ZPBP: variants seen among roughly 807,000 people sequenced by gnomAD.
ZPBP encodes zona pellucida-binding protein 1.
A neutral mutation model predicts 44.8 loss-of-function variants in ZPBP; 26 were observed. The ratio of observed to expected loss-of-function variants is 0.58; its 90% CI spans 0.43 to 0.81. ZPBP has a LOEUF of 0.81. Ranked by LOEUF, ZPBP falls within the 30% of genes least tolerant of loss-of-function variation. ZPBP has a pLI of 0.00. For missense variants in ZPBP, 409 were observed against 434.0 expected, an observed-to-expected ratio of 0.94 and a Z score of 0.51; for synonymous variants, 174 against 153.2, an observed-to-expected ratio of 1.14 and a Z score of -1.00.
intron 4 of ZPBP, among the ~76,000 whole-genome samples, chr7:50,041,346 C>T (rs1800085886): frequency 6.6e-6 from 1 of 152,212 alleles, no homozygotes; most frequent in Admixed American, 6.5e-5. Flanking sequence ...GTCCCTGACC[C>T]CCATGCCTCC....
chr7:49,937,706 T>C, intron 7 of ZPBP, 84 bp from the exon 8 acceptor site: 1 of 1,085,708 alleles, frequency 9.2e-7, no homozygotes, highest in Non-Finnish European at 1.4e-6. Flanking sequence ...TTTAAGTGTA[T>C]AGTTCAGTAG....
At chr7:50,028,510 G>C (rs1414819679) in intron 5 of ZPBP, among the ~76,000 whole-genome samples, 2 of 151,970 alleles carry the variant, frequency 1.3e-5, no homozygotes, top group Non-Finnish European at 2.9e-5. Flanking sequence ...GGTGTAAAAT[G>C]TATCCAGGGT....
intron 6 of ZPBP, among the ~76,000 whole-genome samples, chr7:49,992,019 C>T (rs923338937): frequency 1.3e-4 from 19 of 152,000 alleles, no homozygotes; most frequent in Non-Finnish European, 2.5e-4. Context: ...ACAAACCTAA[C>T]GATAGCTATG....
intron 3 of ZPBP, among the ~76,000 whole-genome samples, chr7:50,074,690 T>A (rs1228425884): frequency 6.6e-6 from 1 of 151,762 alleles, no homozygotes; most frequent in Non-Finnish European, 1.5e-5. Context: ...TATATAATAA[T>A]AAAGGGGTCA....
intron 1 of ZPBP, among the ~76,000 whole-genome samples, chr7:49,902,789 T>C (rs1317145196): frequency 6.6e-6 from 1 of 152,070 alleles, no homozygotes; most frequent in Non-Finnish European, 1.5e-5. Context: ...TTTTTTGAAA[T>C]ATAAATTTTT....
At chr7:49,929,056 G>A (rs1490425583) in intron 1 of ZPBP, among the ~76,000 whole-genome samples, 1 of 152,134 alleles carries the variant, frequency 6.6e-6, no homozygotes, top group African/African-American at 2.4e-5. Flanking sequence ...TGGAATGATT[G>A]CAGAGCCAGT....
downstream of ZPBP, among the ~76,000 whole-genome samples, chr7:49,935,380 T>A (rs1161240577): frequency 6.6e-6 from 1 of 152,098 alleles, no homozygotes; most frequent in Non-Finnish European, 1.5e-5. Context: ...GTCCTTTACT[T>A]CAATTTATTT....
At chr7:49,887,776 C>T (rs1194515603) in intron 2 of ZPBP, among the ~76,000 whole-genome samples, 1 of 152,190 alleles carries the variant, frequency 6.6e-6, no homozygotes, top group Non-Finnish European at 1.5e-5. Flanking sequence ...CATGGCACTT[C>T]CACTGTCTGG....
intron 3 of ZPBP, among the ~76,000 whole-genome samples, chr7:50,072,834 A>G (rs1801914457): frequency 6.6e-6 from 1 of 152,220 alleles, no homozygotes; most frequent in South Asian, 2.1e-4. Context: ...AGTCCTTTCA[A>G]ATATCTGAAA....
intron 6 of ZPBP, among the ~76,000 whole-genome samples, chr7:50,003,943 T>C (rs147886190): frequency 8.4e-4 from 128 of 152,116 alleles, no homozygotes; most frequent in Non-Finnish European, 1.5e-3. Context: ...CTTAATTACA[T>C]AAAAGAGAAC....
At chr7:49,961,187 T>A (rs867240346) in intron 7 of ZPBP, among the ~76,000 whole-genome samples, 3 of 152,258 alleles carry the variant, frequency 2.0e-5, no homozygotes, top group Middle Eastern at 3.4e-3. Context: ...TTATTTGTAA[T>A]GGCCTAAAAC....
intron 2 of ZPBP, among the ~76,000 whole-genome samples, chr7:49,896,461 T>A (rs6957719): frequency 0.77 from 116,405 of 152,086 alleles, 44,727 homozygotes; most frequent in East Asian, 0.89. Flanking sequence ...AAATCAATAA[T>A]TAAGTTCCTA....
intron 3 of ZPBP, among the ~76,000 whole-genome samples, chr7:50,078,012 G>A (rs867350975): frequency 6.6e-6 from 1 of 151,780 alleles, no homozygotes. Context: ...GCAGATGAAT[G>A]GATAAAGAAA....
chr7:49,898,324 T>TA (rs905768195), intron 2 of ZPBP, among the ~76,000 whole-genome samples: 6 of 151,574 alleles, frequency 4.0e-5, no homozygotes, highest in South Asian at 2.1e-4. Flanking sequence ...TTTTTTTTTT[T>TA]AAAAAAACCT....
At chr7:49,946,119 T>TC (rs1410736820) in intron 7 of ZPBP, among the ~76,000 whole-genome samples, 3 of 152,078 alleles carry the variant, frequency 2.0e-5, no homozygotes, top group Admixed American at 6.6e-5. Flanking sequence ...TTTAACTTCA[T>TC]CCCCCCCTTT....
chr7:50,000,728 T>C (rs894916558), intron 6 of ZPBP, among the ~76,000 whole-genome samples: 2 of 152,120 alleles, frequency 1.3e-5, no homozygotes, highest in Non-Finnish European at 2.9e-5. Flanking sequence ...TTGTATGGAA[T>C]AAAAGAAAAA....
chr7:49,919,256 G>C (rs1263737791), intron 1 of ZPBP: 2 of 152,090 alleles, frequency 1.3e-5, no homozygotes, highest in African/African-American at 2.4e-5. Flanking sequence ...CTGGGTGATA[G>C]AGTCATATAT....
At chr7:50,007,365 T>C (rs1444645718) in intron 6 of ZPBP, among the ~76,000 whole-genome samples, 1 of 151,942 alleles carries the variant, frequency 6.6e-6, no homozygotes, top group African/African-American at 2.4e-5. Context: ...TGAGTAGACC[T>C]GTAACTAGTA....
intron 4 of ZPBP, among the ~76,000 whole-genome samples, chr7:50,036,870 T>A (rs1283943889): frequency 1.3e-5 from 2 of 150,708 alleles, no homozygotes; most frequent in Non-Finnish European, 3.0e-5. Context: ...ACAAGAAAAA[T>A]CAAAGAAGGA....
Sources: gnomAD v4.1 joint callset for allele counts (sites outside exome capture counted in the v4.1 genomes callset) on GRCh38, gnomAD v4.1.1 for gene constraint, MANE v1.5 for transcripts, NCBI Gene and HGNC (gene_info 2026-07-23, HGNC 2026-07-21) for gene names.